Variants in PRKG1 observed in about 807,000 individuals in gnomAD.
PRKG1 encodes the protein protein kinase cGMP-dependent 1, also known as cGMP-dependent protein kinase 1.
A neutral mutation model predicts 88.1 loss-of-function variants in PRKG1; 35 were observed. The observed-to-expected ratio is 0.40, with a 90% CI of 0.30 to 0.53. PRKG1 has a LOEUF of 0.53. PRKG1 is among the 20% of genes least tolerant of loss of function. PRKG1 has a pLI of 0.59. For synonymous variants in PRKG1, 303 were observed against 292.5 expected, an observed-to-expected ratio of 1.04 and a Z score of -0.37; for missense variants, 540 against 839.8, an observed-to-expected ratio of 0.64 and a Z score of 4.41.
chr10:51,030,211 CATA>C (rs1442784106), intron 1 of PRKG1, among the ~76,000 whole-genome samples: 1 of 151,028 alleles, frequency 6.6e-6, no homozygotes, highest in Non-Finnish European at 1.5e-5. Context: ...TGTTTTTTTT[CATA>C]ATAAGCCTTT....
chr10:51,634,505 A>G (rs977001629), intron 3 of PRKG1, among the ~76,000 whole-genome samples: 1 of 152,192 alleles, frequency 6.6e-6, no homozygotes, highest in African/African-American at 2.4e-5. Context: ...GCATGTTCTT[A>G]TTCCAAATCT....
intron 5 of PRKG1, among the ~76,000 whole-genome samples, chr10:51,981,710 G>A (rs769356177): frequency 2.1e-4 from 32 of 152,156 alleles, no homozygotes; most frequent in African/African-American, 3.4e-4. Context: ...TCCTTTTGTC[G>A]CTTATCTGAC....
Position 52,251,587 on chromosome 10 carries a change from C to A in PRKG1, c.1094C>A (p.Ala365Asp), listed in dbSNP as rs1483976150. 4 of 1,613,560 alleles carry A rather than the reference C, an allele frequency of 2.5e-6. No homozygotes were observed. The highest frequency in any genetic ancestry group is 3.4e-6 in the Non-Finnish European group (4 of 1,179,638). ...EAKAKYEAEA[A>D]FFANLKLSDF... Reference sequence around the variant, plus strand: ...AAATCCAGATATGAAGCTGAAGCGGCTTTCTTCGCCAACCTGAAGCTGTCT... The same window carrying A: ...AAATCCAGATATGAAGCTGAAGCGGATTTCTTCGCCAACCTGAAGCTGTCT... Residue 365 changes from alanine to aspartate, a missense_variant, in exon 10 of 18, where the codon GCT (alanine) becomes GAT (aspartate). Ala to Asp is a moderately radical substitution (Grantham distance 126). Coordinates refer to ENST00000373980, the MANE Select transcript of PRKG1 (RefSeq NM_006258.4).
chr10:51,487,931 T>A (rs1840595357), intron 3 of PRKG1, among the ~76,000 whole-genome samples: 2 of 152,208 alleles, frequency 1.3e-5, no homozygotes, highest in Admixed American at 1.3e-4. Context: ...TTCAACTATG[T>A]TAACGTAGTT....
chr10:52,213,092 C>T (rs1840022952), intron 9 of PRKG1, among the ~76,000 whole-genome samples: 1 of 151,852 alleles, frequency 6.6e-6, no homozygotes, highest in Non-Finnish European at 1.5e-5. Flanking sequence ...ATTAATTCGG[C>T]TCTGAATATA....
chr10:51,310,627 A>G (rs1841159965), intron 2 of PRKG1, among the ~76,000 whole-genome samples: 1 of 152,020 alleles, frequency 6.6e-6, no homozygotes, highest in Non-Finnish European at 1.5e-5. Flanking sequence ...TTTTGCTACT[A>G]TGTAACTATT....
At chr10:51,745,537 A>C (rs1192766133) in intron 3 of PRKG1, among the ~76,000 whole-genome samples, 4 of 152,178 alleles carry the variant, frequency 2.6e-5, no homozygotes, top group Non-Finnish European at 5.9e-5. Flanking sequence ...TCTTCCTATG[A>C]ATAGCAAATA....
rs545127913 is a variant in PRKG1 at position 51,222,377 on chromosome 10, C to T, written c.478+69047C>T. Among the ~76,000 whole-genome samples, 12 of 152,180 alleles carry T rather than the reference C, an allele frequency of 7.9e-5. No homozygotes were observed. In the South Asian group the frequency reaches 2.3e-3, roughly 29 times the overall value. Reference sequence around the variant, plus strand: ...CTTGATTTCCAAGTAGAACATTAATCAATGTTGTCTCTGCTCATCTTGGTG... The same window carrying T: ...CTTGATTTCCAAGTAGAACATTAATTAATGTTGTCTCTGCTCATCTTGGTG... On this transcript the variant is annotated intron_variant, in intron 2 of 17. Transcript: ENST00000373980.
At chr10:51,346,635 C>T (rs767928655) in intron 2 of PRKG1, among the ~76,000 whole-genome samples, 1 of 152,148 alleles carries the variant, frequency 6.6e-6, no homozygotes, top group Non-Finnish European at 1.5e-5. Flanking sequence ...GCTGTTAAGC[C>T]TAATGCCATT....
chr10:52,243,781 G>A (rs1230461407), intron 9 of PRKG1, among the ~76,000 whole-genome samples: 1 of 152,100 alleles, frequency 6.6e-6, no homozygotes, highest in Admixed American at 6.6e-5. Flanking sequence ...GAAGAAAGGT[G>A]CTTTCTAAAT....
chr10:51,123,126 G>A (rs1845305189), intron 1 of PRKG1, among the ~76,000 whole-genome samples: 1 of 152,162 alleles, frequency 6.6e-6, no homozygotes, highest in South Asian at 2.1e-4. Flanking sequence ...CCTCTGCAAT[G>A]AATAATACAC....
chr10:51,832,606 G>T (rs1445100434), intron 4 of PRKG1, among the ~76,000 whole-genome samples: 2 of 152,136 alleles, frequency 1.3e-5, no homozygotes, highest in Admixed American at 1.3e-4. Flanking sequence ...GATAATTTTA[G>T]TCTCTAGAAT....
intron 1 of PRKG1, among the ~76,000 whole-genome samples, chr10:51,151,990 T>C (rs895081770): frequency 4.6e-5 from 7 of 152,058 alleles, no homozygotes; most frequent in Admixed American, 4.6e-4. Context: ...AAATTAAGAC[T>C]TTTAATATGA....
chr10:51,396,758 A>G (rs1293944922), intron 2 of PRKG1, among the ~76,000 whole-genome samples: 2 of 152,238 alleles, frequency 1.3e-5, no homozygotes, highest in African/African-American at 4.8e-5. Context: ...AAATTATAGT[A>G]TTTTCACAAG....
chr10:51,663,519 A>G (rs1840348963), intron 3 of PRKG1, among the ~76,000 whole-genome samples: 1 of 151,828 alleles, frequency 6.6e-6, no homozygotes, highest in East Asian at 1.9e-4. Context: ...CGCTTGGACA[A>G]CATAGCAAGA....
chr10:52,006,052 C>A (rs77631414), intron 5 of PRKG1, among the ~76,000 whole-genome samples: 13,142 of 151,354 alleles, frequency 0.087, 791 homozygotes, highest in Non-Finnish European at 0.13. Context: ...ATAATCAAAC[C>A]CCCAAGGGCA....
At chr10:52,160,109 A>G (rs1247233406) in intron 8 of PRKG1, among the ~76,000 whole-genome samples, 2 of 151,946 alleles carry the variant, frequency 1.3e-5, no homozygotes, top group African/African-American at 2.4e-5. Context: ...AAAATTAGCC[A>G]GATATTATCT....
chr10:51,034,252 T>G (rs1447077739), intron 1 of PRKG1, among the ~76,000 whole-genome samples: 1 of 152,132 alleles, frequency 6.6e-6, no homozygotes, highest in Non-Finnish European at 1.5e-5. Flanking sequence ...CTTGCTCAGT[T>G]TTTGAGCTGT....
At chr10:51,855,077 T>C (rs1401332201) in intron 4 of PRKG1, among the ~76,000 whole-genome samples, 2 of 152,346 alleles carry the variant, frequency 1.3e-5, no homozygotes, top group East Asian at 3.9e-4. Flanking sequence ...GTGATTTGAA[T>C]TAATCATTCA....
Sources: gnomAD v4.1 joint callset for allele counts (sites outside exome capture counted in the v4.1 genomes callset) on GRCh38, gnomAD v4.1.1 for gene constraint, MANE v1.5 for transcripts, NCBI Gene and HGNC (gene_info 2026-07-23, HGNC 2026-07-21) for gene names.